EPHB2: variants seen among roughly 807,000 people sequenced by gnomAD.
EPHB2 encodes the protein ephrin type-B receptor 2.
Under a neutral mutation model 96.4 loss-of-function variants are expected in EPHB2, and 18 were observed. The observed-to-expected ratio is 0.19, with a 90% CI of 0.13 to 0.28. The LOEUF (loss-of-function observed/expected upper bound fraction) is 0.28, where lower values mean the gene tolerates loss of function less well. EPHB2 is among the 10% of genes least tolerant of loss of function. The probability of loss-of-function intolerance (pLI) is 1.00; values close to 1 mark genes in which losing one functional copy is unlikely to be tolerated. For missense variants in EPHB2, 989 were observed against 1,355.4 expected, an observed-to-expected ratio of 0.73 and a Z score of 4.25; for synonymous variants, 506 against 534.1, an observed-to-expected ratio of 0.95 and a Z score of 0.72.
intron 1 of EPHB2, among the ~76,000 whole-genome samples, chr1:22,742,708 G>A (rs911410085): frequency 2.7e-5 from 4 of 150,924 alleles, no homozygotes; most frequent in Non-Finnish European, 5.9e-5. Flanking sequence ...TCACTAAGTT[G>A]CCCAGGCTGG....
chr1:22,882,295 G>A, intron 5 of EPHB2, 64 bp from the exon 6 acceptor site: 1 of 1,603,640 alleles, frequency 6.2e-7, no homozygotes, highest in South Asian at 1.1e-5. Flanking sequence ...GTACCTCTGA[G>A]GGTGGGCCAG....
intron 3 of EPHB2, among the ~76,000 whole-genome samples, chr1:22,810,064 T>C (rs1644981195): frequency 6.6e-6 from 1 of 152,082 alleles, no homozygotes; most frequent in Non-Finnish European, 1.5e-5. Flanking sequence ...GCATGGACAT[T>C]ATAGTGCTTT....
At chr1:22,905,837 G>A in intron 9 of EPHB2, 150 bp from the exon 10 acceptor site, 1 of 1,207,302 alleles carries the variant, frequency 8.3e-7, no homozygotes, top group South Asian at 1.3e-5. Context: ...GTAAGCCCCA[G>A]AGAGGTCAAG....
chr1:22,775,552 T>C (rs938225170), intron 1 of EPHB2, among the ~76,000 whole-genome samples: 1 of 152,260 alleles, frequency 6.6e-6, no homozygotes, highest in African/African-American at 2.4e-5. Context: ...GCAGGCCCCC[T>C]GCAGCCACCT....
chr1:22,749,098 G>T (rs188146875), intron 1 of EPHB2, among the ~76,000 whole-genome samples: 251 of 151,202 alleles, frequency 1.7e-3, no homozygotes, highest in Admixed American at 2.6e-3. Context: ...TCGCCTCACT[G>T]CAACCTCCGC....
intron 1 of EPHB2, among the ~76,000 whole-genome samples, chr1:22,740,536 G>A (rs886946354): frequency 3.9e-5 from 6 of 152,154 alleles, no homozygotes; most frequent in Non-Finnish European, 8.8e-5. Context: ...ATGCCCTCAA[G>A]CCTTGATCAT....
At chr1:22,741,769 T>C (rs1643907978) in intron 1 of EPHB2, among the ~76,000 whole-genome samples, 3 of 150,724 alleles carry the variant, frequency 2.0e-5, no homozygotes, top group Non-Finnish European at 4.4e-5. Context: ...ATAGTTCACC[T>C]GCGTGGAAGC....
At chr1:22,811,275 A>G (rs1199938136) in intron 3 of EPHB2, among the ~76,000 whole-genome samples, 1 of 152,160 alleles carries the variant, frequency 6.6e-6, no homozygotes, top group Non-Finnish European at 1.5e-5. Flanking sequence ...TTCGGGTCCA[A>G]CGTTTGTGAA....
rs1296510606 is a variant in EPHB2 at position 22,731,878 on chromosome 1, T to TAGA, written c.61+20838_61+20840dup. ...CAACAACAACAAAATCATCACTGTG[T>TAGA]AGAAGCCAGGGCACAGAAGCCAGGG... On this transcript the variant is annotated intron_variant, in intron 1 of 15. Coordinates refer to ENST00000374630, the MANE Select transcript of EPHB2 (RefSeq NM_017449.5). Among the ~76,000 whole-genome samples, 12 of 152,270 alleles carry TAGA rather than the reference T, an allele frequency of 7.9e-5. No individual in the cohort carries two copies. In the East Asian group the frequency reaches 2.1e-3, roughly 27 times the overall value.
chr1:22,797,809 G>A (rs986251056), intron 3 of EPHB2, among the ~76,000 whole-genome samples: 15 of 151,860 alleles, frequency 9.9e-5, no homozygotes, highest in African/African-American at 3.4e-4. Flanking sequence ...GTCTCCTCCC[G>A]TTTCCTCCTT....
Position 22,875,421 on chromosome 1 carries a change from T to C in EPHB2, c.1304-6938T>C, listed in dbSNP as rs1354408972. Among the ~76,000 whole-genome samples, 6 of 152,184 alleles carry C rather than the reference T, an allele frequency of 3.9e-5. No individual in the cohort carries two copies. The highest frequency in any genetic ancestry group is 8.8e-5 in the Non-Finnish European group (6 of 68,032). On this transcript the variant is annotated intron_variant, in intron 5 of 15. Coordinates refer to ENST00000374630, the MANE Select transcript of EPHB2 (RefSeq NM_017449.5). This position sits in a 1 kb window ranked among gnomAD's most constrained non-coding sequence, Gnocchi z 4.2. ...CTGGTGGCAAGAGGCCCCACGTCACTGCAGCAGTTCCCAACTGTGGGTGGG... is the reference window on the plus strand; with the variant it reads ...CTGGTGGCAAGAGGCCCCACGTCACCGCAGCAGTTCCCAACTGTGGGTGGG...
intron 1 of EPHB2, among the ~76,000 whole-genome samples, chr1:22,768,244 G>A (rs1331815031): frequency 1.3e-5 from 2 of 152,186 alleles, no homozygotes; most frequent in African/African-American, 2.4e-5. Context: ...GCCTGGAGAA[G>A]CCCTCCATAC....
chr1:22,763,674 T>A (rs1267073031), intron 1 of EPHB2, among the ~76,000 whole-genome samples: 2 of 152,196 alleles, frequency 1.3e-5, no homozygotes, highest in African/African-American at 4.8e-5. Flanking sequence ...TCTGTTAGTT[T>A]CTTGTTGCTG....
At chr1:22,904,926 G>T (rs1311231356) in intron 9 of EPHB2, among the ~76,000 whole-genome samples, 1 of 152,206 alleles carries the variant, frequency 6.6e-6, no homozygotes, top group East Asian at 1.9e-4. Flanking sequence ...GTGACCCAAG[G>T]ATTTCAACTG....
At chr1:22,887,396 T>C (rs1245191705) in intron 6 of EPHB2, among the ~76,000 whole-genome samples, 2 of 152,148 alleles carry the variant, frequency 1.3e-5, no homozygotes, top group African/African-American at 4.8e-5. Flanking sequence ...AATGCTCCAG[T>C]CTTCCTAGGA....
At chr1:22,888,237 T>G (rs1639288199) in intron 6 of EPHB2, among the ~76,000 whole-genome samples, 1 of 152,114 alleles carries the variant, frequency 6.6e-6, no homozygotes, top group Non-Finnish European at 1.5e-5. Flanking sequence ...GAGATGGGGT[T>G]TCACCATGTT....
At chr1:22,849,235 T>G (rs1306636165) in intron 3 of EPHB2, among the ~76,000 whole-genome samples, 1 of 152,200 alleles carries the variant, frequency 6.6e-6, no homozygotes, top group Non-Finnish European at 1.5e-5. Flanking sequence ...AGGTGTTGCC[T>G]CTTCAAGGTC....
chr1:22,776,441 T>C (rs895179777), intron 1 of EPHB2, among the ~76,000 whole-genome samples: 6 of 152,222 alleles, frequency 3.9e-5, no homozygotes, highest in Non-Finnish European at 5.9e-5. Context: ...TGATTAATTA[T>C]CTGTGTACAG....
Position 22,733,357 on chromosome 1 carries a change from C to T in EPHB2, c.61+22314C>T, listed in dbSNP as rs1293896012. On this transcript the variant is annotated intron_variant, in intron 1 of 15. Coordinates refer to ENST00000374630, the MANE Select transcript of EPHB2 (RefSeq NM_017449.5). The surrounding 1 kb of genome is among the most constrained non-coding windows in gnomAD (Gnocchi z 4.6). ...AACCACTGTGGCTGGCCCAGGCTGCCTTTCTAACCAGCCTCTTTATTTTCA... is the reference window on the plus strand; with the variant it reads ...AACCACTGTGGCTGGCCCAGGCTGCTTTTCTAACCAGCCTCTTTATTTTCA... Among the ~76,000 whole-genome samples the T allele has an allele frequency of 6.6e-6, 1 of 152,134 alleles. No individual in the cohort carries two copies. Among genetic ancestry groups the T allele is most frequent in the East Asian group, 1.9e-4 (1 of 5,190 alleles).
Sources: gnomAD v4.1 joint callset for allele counts (sites outside exome capture counted in the v4.1 genomes callset) on GRCh38, gnomAD v4.1.1 for gene constraint, Gnocchi (gnomAD v3.1) non-coding constraint, MANE v1.5 for transcripts, NCBI Gene and HGNC (gene_info 2026-07-23, HGNC 2026-07-21) for gene names.